Variants in PCSK1 observed in about 807,000 individuals in gnomAD.
The protein encoded by PCSK1 is neuroendocrine convertase 1.
In PCSK1, 56 loss-of-function variants were observed where a neutral mutation model predicts 90.6. The ratio of observed to expected loss-of-function variants is 0.62; its 90% CI spans 0.50 to 0.77. The LOEUF (loss-of-function observed/expected upper bound fraction) is 0.77. Ranked by LOEUF, PCSK1 falls within the 30% of genes least tolerant of loss-of-function variation. The probability of loss-of-function intolerance (pLI) is 0.00; values close to 1 mark genes in which losing one functional copy is unlikely to be tolerated. For missense variants in PCSK1, 801 were observed against 932.6 expected, an observed-to-expected ratio of 0.86 and a Z score of 1.84; for synonymous variants, 348 against 342.4, an observed-to-expected ratio of 1.02 and a Z score of -0.18.
chr5:96,431,693 G>A (rs904696663), intron 1 of PCSK1, among the ~76,000 whole-genome samples: 2 of 152,150 alleles, frequency 1.3e-5, no homozygotes, highest in Non-Finnish European at 2.9e-5. Context: ...AGTTGAGAAT[G>A]AAGCCTCTAG....
At chr5:96,399,235 A>G (rs1198948274) in intron 10 of PCSK1, among the ~76,000 whole-genome samples, 199 bp from the exon 11 acceptor site, 3 of 152,226 alleles carry the variant, frequency 2.0e-5, no homozygotes. Flanking sequence ...TAATACTTAA[A>G]TACAATGCTA....
chr5:96,412,623 T>G (rs377121352), intron 6 of PCSK1, 133 bp from the exon 7 acceptor site: 1 of 796,500 alleles, frequency 1.3e-6, no homozygotes, highest in Admixed American at 2.3e-5. Context: ...TAGATAGATG[T>G]CCCCAATTTC....
intron 5 of PCSK1, among the ~76,000 whole-genome samples, chr5:96,416,823 A>G (rs1455708597): frequency 6.6e-6 from 1 of 152,224 alleles, no homozygotes; most frequent in East Asian, 1.9e-4. Context: ...GTAATTTATG[A>G]TTTCAGAGTA....
Position 96,421,941 on chromosome 5 carries a change from A to G in PCSK1, c.559T>C (p.Tyr187His), listed in dbSNP as rs757534603. ...IYANYDPEAS[Y>H]DFNDNDHDPF... ...TCATGGTCATTATCATTAAAATCAT[A>G]GCTAGCCTCTGGATCCTAAAGAGAC... The change falls in exon 5 of 14, where the codon TAT becomes CAT. Residue 187 changes from tyrosine (Y) to histidine (H), a missense_variant. Coordinates refer to ENST00000311106, the MANE Select transcript of PCSK1 (RefSeq NM_000439.5). 2.0e-5 allele frequency: 31 copies of G among 1,560,082 alleles called. No individual in the cohort carries two copies. The highest frequency in any genetic ancestry group is 2.4e-5 in the Non-Finnish European group (27 of 1,133,728).
Position 96,399,921 on chromosome 5 carries a change from C to T in PCSK1, c.1430+32G>A. On this transcript the variant is annotated intron_variant, in intron 10 of 13. Transcript: ENST00000311106. ...TAGTAATGAAATTATGCCATGGGCACACATGTGTTTAAAATTCCAGGAGAT... is the reference window on the plus strand; with the variant it reads ...TAGTAATGAAATTATGCCATGGGCATACATGTGTTTAAAATTCCAGGAGAT... 3 of 1,495,702 alleles carry T rather than the reference C, an allele frequency of 2.0e-6. No individual in the cohort carries two copies. In the South Asian group the frequency reaches 3.4e-5, roughly 17 times the overall value. The allele number at this position is 1,495,702 out of a possible 1,614,324, so 92.7% of individuals were successfully genotyped here.
intron 9 of PCSK1, among the ~76,000 whole-genome samples, chr5:96,401,311 G>A (rs1031204082): frequency 2.0e-5 from 3 of 152,154 alleles, no homozygotes; most frequent in African/African-American, 7.2e-5. Context: ...TGGAGATAGA[G>A]AAGAAGGCCA....
At chr5:96,394,788 G>T (rs1760072294) in intron 13 of PCSK1, 76 bp downstream of exon 13, 2 of 1,360,736 alleles carry the variant, frequency 1.5e-6, no homozygotes, top group African/African-American at 1.4e-5. Flanking sequence ...CTGCTTGGAA[G>T]TTGGGTACAG....
At chr5:96,409,200 T>C (rs1479712790) in intron 8 of PCSK1, among the ~76,000 whole-genome samples, 1 of 152,212 alleles carries the variant, frequency 6.6e-6, no homozygotes, top group Non-Finnish European at 1.5e-5. Context: ...GCGCTGCTGG[T>C]TGGGCCAAGG....
At position 96,408,241 on chromosome 5, in the gene PCSK1, G is replaced by A; in HGVS notation, c.1178C>T (p.Ala393Val). 6.2e-7 allele frequency: 1 copy of A among 1,613,814 alleles called. No homozygotes were observed. Among genetic ancestry groups the A allele is most frequent in the Non-Finnish European group, 8.5e-7 (1 of 1,179,676 alleles). The part of the protein sequence containing the change: ...ASAPLAAGIF[A>V]LALEANPNLT... ...GCCTTACTTTGCTTCCAGGGCCAGA[G>A]CGAAGATGCCAGCAGCCAGAGGTGC... The change falls in exon 9 of 14, where the codon GCT becomes GTT. Residue 393 changes from alanine (A) to valine (V), a missense_variant. Transcript: ENST00000311106.
At chr5:96,394,638 T>G (rs1030467230) in intron 13 of PCSK1, among the ~76,000 whole-genome samples, 1 of 152,226 alleles carries the variant, frequency 6.6e-6, no homozygotes, top group Non-Finnish European at 1.5e-5. Context: ...GTTAGGAAAT[T>G]TAATACTTTT....
intron 9 of PCSK1, among the ~76,000 whole-genome samples, chr5:96,400,979 C>T (rs867524991): frequency 3.5e-5 from 5 of 143,948 alleles, no homozygotes; most frequent in Middle Eastern, 7.6e-3. Flanking sequence ...CCCAGCTACT[C>T]GGGAGGCTGA....
At chr5:96,429,998 G>T (rs1404993968) in intron 1 of PCSK1, among the ~76,000 whole-genome samples, 1 of 152,160 alleles carries the variant, frequency 6.6e-6, no homozygotes, top group Non-Finnish European at 1.5e-5. Flanking sequence ...AAACACCTGG[G>T]ATACTATCTA....
intron 6 of PCSK1, among the ~76,000 whole-genome samples, chr5:96,415,440 T>C (rs1197319462): frequency 6.6e-6 from 1 of 152,234 alleles, no homozygotes; most frequent in Non-Finnish European, 1.5e-5. Flanking sequence ...TACCACTTCT[T>C]AGCCCCTTGT....
At chr5:96,404,862 G>A (rs560332778) in intron 9 of PCSK1, among the ~76,000 whole-genome samples, 28 of 152,196 alleles carry the variant, frequency 1.8e-4, no homozygotes, top group South Asian at 4.2e-4. Context: ...TGTTGTAAGC[G>A]TTATAATTAA....
In PCSK1 at chr5:96,393,089, A is replaced by T. The variant is rs775732113; in HGVS notation, c.2174T>A (p.Val725Asp). Residue 725 changes from valine (V) to aspartate (D), a missense_variant, in exon 14 of 14, where the codon GTT becomes GAT. Transcript: ENST00000311106. ...AGGTTTAGTGTTATAAAAAACATCA[A>T]CATAGTCATTATACAGACTGTCTTC... ...DSEDSLYNDY[V>D]DVFYNTKPYK... The T allele has an allele frequency of 6.2e-7, 1 of 1,614,098 alleles. No individual in the cohort carries two copies. Among genetic ancestry groups the T allele is most frequent in the South Asian group, 1.1e-5 (1 of 91,076 alleles).
chr5:96,420,321 T>A (rs952217069), intron 5 of PCSK1, among the ~76,000 whole-genome samples: 1 of 152,214 alleles, frequency 6.6e-6, no homozygotes, highest in Non-Finnish European at 1.5e-5. Context: ...AAAGAGTAGA[T>A]GTCCTTACTG....
rs1490009099 is a variant in PCSK1 at position 96,412,426 on chromosome 5, A to G, written c.774T>C (p.Pro258=). ...TTGCACTGTAAATATCCACGTGTCC[A>G]GGATTGAATCCAATTGAACTGGCCT... ...AIEASSIGFN[P]GHVDIYSASW... is the part of the protein sequence containing the mutation. Residue 258 remains proline, a synonymous_variant, in exon 7 of 14, where the codon CCT becomes CCC. Transcript: ENST00000311106. The G allele has an allele frequency of 6.2e-7, 1 of 1,614,022 alleles. No homozygotes were observed. Among genetic ancestry groups the G allele is most frequent in the Admixed American group, 1.7e-5 (1 of 60,022 alleles).
At chr5:96,416,153 TACAG>T (rs1404240884) in intron 5 of PCSK1, 32 bp from the exon 6 acceptor site, 1 of 1,419,768 alleles carries the variant, frequency 7.0e-7, no homozygotes, top group Non-Finnish European at 1.0e-6. Flanking sequence ...TTATAAAACA[TACAG>T]AAGAACAAAC....
At chr5:96,416,355 A>T (rs1760938551) in intron 5 of PCSK1, among the ~76,000 whole-genome samples, 2 of 152,202 alleles carry the variant, frequency 1.3e-5, no homozygotes, top group Non-Finnish European at 2.9e-5. Context: ...TAAGGGTGTG[A>T]CCTTGGGTAA....
Sources: allele counts gnomAD v4.1 joint callset (sites outside exome capture counted in the v4.1 genomes callset), GRCh38; gene constraint gnomAD v4.1.1; transcripts MANE v1.5; gene names NCBI Gene and HGNC (gene_info 2026-07-23, HGNC 2026-07-21).